The following CCDC77 variants were observed in gnomAD, a reference collection of about 807,000 sequenced individuals.
The protein encoded by CCDC77 is coiled-coil domain-containing protein 77.
A neutral mutation model predicts 66.8 loss-of-function variants in CCDC77; 56 were observed. The observed-to-expected ratio is 0.84, with a 90% CI of 0.68 to 1.05. CCDC77 has a LOEUF of 1.05. Among genes scored for constraint, CCDC77 ranks in the 50% least tolerant of loss-of-function variants. The pLI is 0.00. For missense variants in CCDC77, 570 were observed against 576.8 expected (o/e 0.99, Z 0.12); for synonymous variants, 196 against 195.2 (o/e 1.00, Z -0.03).
At chr12:390,389 C>T (rs1161154054) in intron 1 of CCDC77, among the ~76,000 whole-genome samples, 1 of 152,184 alleles carries the variant, frequency 6.6e-6, no homozygotes, top group Non-Finnish European at 1.5e-5. Context: ...CTGCTTTGCT[C>T]TCCAGCTTCA....
intron 1 of CCDC77, among the ~76,000 whole-genome samples, chr12:391,035 A>G (rs1847838173): frequency 6.6e-6 from 1 of 152,256 alleles, no homozygotes; most frequent in Admixed American, 6.5e-5. Flanking sequence ...AGCAAGTCAT[A>G]AGACCATCCC....
At chr12:393,143 G>C (rs1330240492) in intron 1 of CCDC77, among the ~76,000 whole-genome samples, 1 of 152,142 alleles carries the variant, frequency 6.6e-6, no homozygotes, top group Non-Finnish European at 1.5e-5. Context: ...CTTAGACACA[G>C]GGTGTCACTC....
At chr12:403,560 CT>C (rs1565562632) in intron 1 of CCDC77, among the ~76,000 whole-genome samples, 1 of 152,228 alleles carries the variant, frequency 6.6e-6, no homozygotes, top group Non-Finnish European at 1.5e-5. Context: ...GTGGGGCAAT[CT>C]CAGCTCAGTG....
At chr12:418,383 AAATTATT>A (rs1945326140) in intron 4 of CCDC77, 104 bp from the exon 5 acceptor site, 18 of 1,120,216 alleles carry the variant, frequency 1.6e-5, no homozygotes, top group African/African-American at 3.1e-5. Context: ...TGTATTGGCA[AAATTATT>A]TACTTTGGAA....
chr12:434,457 A>G (rs1302313686), intron 9 of CCDC77, among the ~76,000 whole-genome samples: 1 of 150,566 alleles, frequency 6.6e-6, no homozygotes, highest in Non-Finnish European at 1.5e-5. Context: ...GGTTCAAGCG[A>G]TTCTCCTGCC....
intron 3 of CCDC77, among the ~76,000 whole-genome samples, chr12:411,500 TAAAG>T (rs1278026498): frequency 3.3e-5 from 5 of 151,472 alleles, no homozygotes; most frequent in Admixed American, 2.6e-4. Flanking sequence ...TTTTTTTAAA[TAAAG>T]ACAGGGTTTC....
At chr12:431,130 T>G (rs896660366) in intron 7 of CCDC77, among the ~76,000 whole-genome samples, 3 of 150,614 alleles carry the variant, frequency 2.0e-5, no homozygotes, top group Admixed American at 6.6e-5. Context: ...CAGTGATAAT[T>G]GATGTTCATA....
At chr12:422,118 TA>T (rs1276612517) in intron 5 of CCDC77, among the ~76,000 whole-genome samples, 20 of 59,960 alleles carry the variant, frequency 3.3e-4, no homozygotes, top group African/African-American at 4.8e-4. Flanking sequence ...AGTGAGAGGG[TA>T]AAATACACAT....
upstream of CCDC77, among the ~76,000 whole-genome samples, chr12:396,806 G>T (rs1358369261): frequency 6.6e-6 from 1 of 152,186 alleles, no homozygotes; most frequent in Non-Finnish European, 1.5e-5. Context: ...GAGACAAATG[G>T]GGTCAGATAG....
At chr12:423,470 G>GTTTTTTTT (rs1307027692) in intron 5 of CCDC77, among the ~76,000 whole-genome samples, 895 of 44,702 alleles carry the variant, frequency 0.02, 60 homozygotes, top group Non-Finnish European at 0.027. Context: ...TGTTTTTTGT[G>GTTTTTTTT]TTTTTTGTGT....
At chr12:409,535 T>G (rs1945065931) in intron 3 of CCDC77, 114 bp downstream of exon 3, 5 of 989,746 alleles carry the variant, frequency 5.1e-6, no homozygotes, top group Non-Finnish European at 7.8e-6. Context: ...TTTTTTTCTT[T>G]GAGACAGAGT....
At chr12:415,655 T>C (rs1449266012) in intron 4 of CCDC77, among the ~76,000 whole-genome samples, 2 of 151,752 alleles carry the variant, frequency 1.3e-5, no homozygotes, top group Non-Finnish European at 2.9e-5. Flanking sequence ...TTTTTTGAGT[T>C]AGGGTCTTGC....
At chr12:409,263 C>T in intron 2 of CCDC77, 105 bp from the exon 3 acceptor site, 1 of 780,508 alleles carries the variant, frequency 1.3e-6, no homozygotes, top group Non-Finnish European at 2.1e-6. Context: ...AGATTCTTTC[C>T]AAGAAGCAAA....
intron 2 of CCDC77, among the ~76,000 whole-genome samples, chr12:407,475 CAGTT>C (rs957362108): frequency 3.3e-5 from 5 of 152,170 alleles, no homozygotes; most frequent in African/African-American, 1.2e-4. Flanking sequence ...ACGGGGTAGG[CAGTT>C]AGATGTGTGA....
intron 9 of CCDC77, among the ~76,000 whole-genome samples, chr12:436,333 T>C (rs886347721): frequency 1.3e-5 from 2 of 151,854 alleles, no homozygotes; most frequent in Non-Finnish European, 2.9e-5. Flanking sequence ...TTCACCGTGT[T>C]AGCCAGGATG....
At chr12:440,243 G>A (rs1359969962) in intron 10 of CCDC77, among the ~76,000 whole-genome samples, 1 of 152,182 alleles carries the variant, frequency 6.6e-6, no homozygotes, top group Non-Finnish European at 1.5e-5. Flanking sequence ...CATTTTAACT[G>A]CTCAATAGGG....
intron 4 of CCDC77, among the ~76,000 whole-genome samples, chr12:415,448 ATAT>A (rs1945228213): frequency 7.9e-6 from 1 of 126,154 alleles, no homozygotes; most frequent in South Asian, 2.4e-4. Context: ...TAATATGTTA[ATAT>A]TAACATAATT....
Position 419,332 on chromosome 12 carries a change from G to A in CCDC77, c.413+696G>A, listed in dbSNP as rs564077574. ...AACTTGGGAGAAGAAGCCCCCTTCA[G>A]CCAAGTGTCATTTTTCAGAGAAAAA... On this transcript the variant is annotated intron_variant, in intron 5 of 12. Coordinates refer to ENST00000239830, the MANE Select transcript of CCDC77 (RefSeq NM_032358.4). Among the ~76,000 whole-genome samples, 318 of 152,340 alleles carry A rather than the reference G, an allele frequency of 2.1e-3. 2 individuals are homozygous for A. Among genetic ancestry groups the A allele is most frequent in the South Asian group, 0.016 (78 of 4,830 alleles).
chr12:392,510 G>A (rs920833004), intron 1 of CCDC77, among the ~76,000 whole-genome samples: 1 of 152,118 alleles, frequency 6.6e-6, no homozygotes, highest in African/African-American at 2.4e-5. Flanking sequence ...TTGGGAGGCC[G>A]AGGCGGGCAG....
Sources: allele counts gnomAD v4.1 joint callset (sites outside exome capture counted in the v4.1 genomes callset), GRCh38; gene constraint gnomAD v4.1.1; transcripts MANE v1.5; gene names NCBI Gene and HGNC (gene_info 2026-07-23, HGNC 2026-07-21).